TSPAN15: variants seen among roughly 807,000 people sequenced by gnomAD.
TSPAN15 encodes the protein tetraspanin-15.
In TSPAN15, 20 loss-of-function variants were observed where a neutral mutation model predicts 34.5. The observed-to-expected ratio is 0.58, with a 90% CI of 0.41 to 0.84. The LOEUF is 0.84. Among genes scored for constraint, TSPAN15 ranks in the 40% least tolerant of loss-of-function variants. The pLI is 0.00. For synonymous variants in TSPAN15, 155 were observed against 153.9 expected (o/e 1.01, Z -0.05); for missense variants, 313 against 386.1 (o/e 0.81, Z 1.59).
intron 5 of TSPAN15, among the ~76,000 whole-genome samples, chr10:69,500,806 C>T (rs1842189446): frequency 6.6e-6 from 1 of 152,058 alleles, no homozygotes; most frequent in South Asian, 2.1e-4. Context: ...ATCTGGGTAT[C>T]CCATGGCCTG....
chr10:69,492,651 T>C (rs992940556), intron 3 of TSPAN15, among the ~76,000 whole-genome samples: 7 of 146,850 alleles, frequency 4.8e-5, no homozygotes, highest in African/African-American at 1.6e-4. Context: ...GGCGGGATGG[T>C]TTGGGGAGGC....
At chr10:69,539,563 G>GAGAAGAAGAAGAAGAAGA in the TSPAN15 span, among the ~76,000 whole-genome samples, 47 of 101,498 alleles carry the variant, frequency 4.6e-4, 11 homozygotes, top group East Asian at 1.1e-3. Context: ...GAAGGAGAAG[G>GAGAAGAAGAAGAAGAAGA]AGAAGAAGAC....
chr10:69,455,638 TCTTTCTTTCTTC>T (rs995581993), intron 1 of TSPAN15, among the ~76,000 whole-genome samples: 1 of 114,558 alleles, frequency 8.7e-6, no homozygotes, highest in Non-Finnish European at 1.9e-5. Context: ...CCCCCCCGTC[TCTTTCTTTCTTC>T]CTTTCTTTCT....
intron 1 of TSPAN15, among the ~76,000 whole-genome samples, chr10:69,455,608 C>CTTTCTTTCTTTCTTTTTTTCTT (rs1428393903): frequency 1.0e-5 from 1 of 100,342 alleles, no homozygotes; most frequent in Non-Finnish European, 2.1e-5. Flanking sequence ...TTCTTTCTTT[C>CTTTCTTTCTTTCTTTTTTTCTT]TCTCTCTCTC....
At chr10:69,516,484 G>C in the TSPAN15 span, among the ~76,000 whole-genome samples, 1 of 152,312 alleles carries the variant, frequency 6.6e-6, no homozygotes, top group East Asian at 1.9e-4. Context: ...GCTGCAGAGG[G>C]GCCTGGACTG....
intron 3 of TSPAN15, among the ~76,000 whole-genome samples, chr10:69,485,449 G>C (rs1206167023): frequency 1.3e-5 from 2 of 152,208 alleles, no homozygotes; most frequent in Non-Finnish European, 2.9e-5. Flanking sequence ...ATGGTAAAAG[G>C]AGCCAGCTGA....
the TSPAN15 span, among the ~76,000 whole-genome samples, chr10:69,514,450 T>C: frequency 6.6e-6 from 1 of 152,230 alleles, no homozygotes; most frequent in South Asian, 2.1e-4. Context: ...TCTTTAAAAG[T>C]TTGATAAAAT....
chr10:69,507,741 T>C (rs1397642176), downstream of TSPAN15: 6 of 1,024,738 alleles, frequency 5.9e-6, no homozygotes, highest in Non-Finnish European at 6.4e-6. Context: ...TGGAAACCCC[T>C]TGTGGATGCG....
At chr10:69,543,711 G>A in the TSPAN15 span, among the ~76,000 whole-genome samples, 1 of 152,044 alleles carries the variant, frequency 6.6e-6, no homozygotes, top group Non-Finnish European at 1.5e-5. Context: ...GCGGTGGTCC[G>A]GAATGGATGA....
chr10:69,519,976 C>A, the TSPAN15 span, among the ~76,000 whole-genome samples: 7 of 152,208 alleles, frequency 4.6e-5, no homozygotes, highest in Non-Finnish European at 7.3e-5. Flanking sequence ...AGGTGATCTG[C>A]CCGCTTTGGC....
At chr10:69,540,860 A>G in the TSPAN15 span, among the ~76,000 whole-genome samples, 18 of 152,092 alleles carry the variant, frequency 1.2e-4, no homozygotes, top group East Asian at 1.9e-4. Context: ...AGGGAGGTCA[A>G]TGGGGATGTG....
intron 3 of TSPAN15, among the ~76,000 whole-genome samples, chr10:69,487,433 A>T (rs1471489838): frequency 6.6e-6 from 1 of 151,284 alleles, no homozygotes; most frequent in Non-Finnish European, 1.5e-5. Context: ...CAGATCCAGG[A>T]TGCTGGTTTA....
chr10:69,469,104 A>G (rs1841452944), intron 1 of TSPAN15, among the ~76,000 whole-genome samples: 1 of 146,608 alleles, frequency 6.8e-6, no homozygotes, highest in South Asian at 2.2e-4. Context: ...ATTGAGCTCT[A>G]TGTAAAACTT....
At chr10:69,471,458 C>T (rs544522890) in intron 1 of TSPAN15, among the ~76,000 whole-genome samples, 2 of 152,292 alleles carry the variant, frequency 1.3e-5, no homozygotes, top group Non-Finnish European at 2.9e-5. Flanking sequence ...GCAGAGCCCA[C>T]GCCACTCTGC....
chr10:69,455,626 C>CT lies in TSPAN15; in HGVS notation c.96+3936_96+3937insT, dbSNP rs1491105874. 1.4e-3 allele frequency among the ~76,000 whole-genome samples: 61 copies of CT among 45,112 alleles called. 2 individuals carry two copies. Among genetic ancestry groups the CT allele is most frequent in the African/African-American group, 2.3e-3 (28 of 12,304 alleles). 29.6% of individuals were successfully genotyped at this position (45,112 alleles called of 152,430 possible). ...TTTCTTTCTCTCTCTCTCTCTCTCT[C>CT]CCCCCCCCGTCTCTTTCTTTCTTCC... On this transcript the variant is annotated intron_variant, in intron 1 of 7. Transcript: ENST00000373290.
downstream of TSPAN15, among the ~76,000 whole-genome samples, chr10:69,512,354 TA>T (rs1334431340): frequency 6.6e-6 from 1 of 152,256 alleles, no homozygotes; most frequent in African/African-American, 2.4e-5. Context: ...TGTTAATAAT[TA>T]TTTTTTATAA....
At chr10:69,513,592 C>G in the TSPAN15 span, among the ~76,000 whole-genome samples, 1 of 151,494 alleles carries the variant, frequency 6.6e-6, no homozygotes, top group Non-Finnish European at 1.5e-5. Context: ...TCAATGTTTT[C>G]TTTCATGCGT....
At position 69,506,404 on chromosome 10, in the gene TSPAN15, C is replaced by A; in HGVS notation, c.735+164C>A. ...GGGCAAATGGCAATAGCAGTCGTGG[C>A]GAAGCTCTTCCAAGTGCTGCGCAGG... is the stretch of plus-strand genomic sequence containing the variant. On this transcript the variant is annotated intron_variant, in intron 7 of 7. Transcript: ENST00000373290. This position sits in a 1 kb window ranked among gnomAD's most constrained non-coding sequence, Gnocchi z 4.7. 1 of 647,676 alleles carries A rather than the reference C, an allele frequency of 1.5e-6. No homozygotes were observed. Among genetic ancestry groups the A allele is most frequent in the Non-Finnish European group, 2.7e-6 (1 of 372,324 alleles). The allele number at this position is 647,676 out of a possible 1,614,324, so 40.1% of individuals were successfully genotyped here.
At chr10:69,456,261 T>G (rs928249817) in intron 1 of TSPAN15, among the ~76,000 whole-genome samples, 10 of 152,082 alleles carry the variant, frequency 6.6e-5, no homozygotes, top group African/African-American at 2.4e-4. Flanking sequence ...CTAATTTTTG[T>G]ATTTTTGGTA....
Sources: allele counts gnomAD v4.1 joint callset (sites outside exome capture counted in the v4.1 genomes callset), GRCh38; gene constraint gnomAD v4.1.1; non-coding constraint Gnocchi (gnomAD v3.1); transcripts MANE v1.5; gene names NCBI Gene and HGNC (gene_info 2026-07-23, HGNC 2026-07-21).